PCDHGA8: variants seen among roughly 807,000 people sequenced by gnomAD.
PCDHGA8 encodes the protein protocadherin gamma-A8.
In PCDHGA8, 45 loss-of-function variants were observed where a neutral mutation model predicts 59.2. The ratio of observed to expected loss-of-function variants is 0.76; its 90% CI spans 0.60 to 0.98. The LOEUF (loss-of-function observed/expected upper bound fraction) is 0.98. Ranked by LOEUF, PCDHGA8 falls within the 50% of genes least tolerant of loss-of-function variation. PCDHGA8 has a pLI of 0.00. For missense variants in PCDHGA8, 1,257 were observed against 1,196.2 expected (o/e 1.05, Z -0.75); for synonymous variants, 531 against 519.0 (o/e 1.02, Z -0.32).
chr5:141,408,329 A>G (rs2095085203), intron 1 of PCDHGA8: 1 of 1,613,698 alleles, frequency 6.2e-7, no homozygotes, highest in Admixed American at 1.7e-5. Context: ...GGAGCTGGCC[A>G]AGGGCTCGGT....
At chr5:141,415,738 AGGTTTTT>A in intron 1 of PCDHGA8, 2 of 538,082 alleles carry the variant, frequency 3.7e-6, no homozygotes, top group Non-Finnish European at 5.4e-6. Flanking sequence ...ATGTTTATTA[AGGTTTTT>A]TTTTTTTTTT....
intron 1 of PCDHGA8, chr5:141,400,577 T>G: frequency 6.2e-7 from 1 of 1,611,914 alleles, no homozygotes; most frequent in East Asian, 2.2e-5. Flanking sequence ...TTTTCTGTAT[T>G]TACATGAAAC....
At chr5:141,422,166 T>A (rs370704205) in intron 1 of PCDHGA8, 1 of 1,569,256 alleles carries the variant, frequency 6.4e-7, no homozygotes, top group African/African-American at 1.4e-5. Context: ...TTGAAAAATA[T>A]AGATTCTATG....
intron 1 of PCDHGA8, chr5:141,427,894 C>T (rs974220302): frequency 1.3e-6 from 2 of 1,568,222 alleles, no homozygotes; most frequent in East Asian, 2.2e-5. Flanking sequence ...GACCAGGGCT[C>T]GCCCGCGCTC....
intron 1 of PCDHGA8, among the ~76,000 whole-genome samples, chr5:141,462,023 A>T (rs927945421): frequency 1.3e-5 from 2 of 152,112 alleles, no homozygotes; most frequent in African/African-American, 4.8e-5. Flanking sequence ...GGGTTTCTTC[A>T]TGTTGGTCAG....
At chr5:141,464,929 G>A (rs1358204606) in intron 1 of PCDHGA8, among the ~76,000 whole-genome samples, 1 of 151,878 alleles carries the variant, frequency 6.6e-6, no homozygotes, top group Non-Finnish European at 1.5e-5. Flanking sequence ...TTGTAGAGAT[G>A]TGAGGTCTCA....
chr5:141,445,621 G>A (rs1216813961), intron 1 of PCDHGA8, among the ~76,000 whole-genome samples: 4 of 151,996 alleles, frequency 2.6e-5, no homozygotes, highest in African/African-American at 7.2e-5. Flanking sequence ...TCTTTTTTTC[G>A]GAAAGTGATA....
At chr5:141,508,737 C>G (rs919094477) in intron 3 of PCDHGA8, among the ~76,000 whole-genome samples, 2 of 152,010 alleles carry the variant, frequency 1.3e-5, no homozygotes, top group Non-Finnish European at 2.9e-5. Flanking sequence ...CTACACCCCC[C>G]ACCCCGCTCT....
chr5:141,432,481 C>G lies in PCDHGA8; in HGVS notation c.2424+37244C>G. 6.2e-7 allele frequency: 1 copy of G among 1,614,198 alleles called. No homozygotes were observed. On this transcript the variant is annotated intron_variant, in intron 1 of 3. Coordinates refer to ENST00000398604, the MANE Select transcript of PCDHGA8 (RefSeq NM_032088.2). This position sits in a 1 kb window ranked among gnomAD's most constrained non-coding sequence, Gnocchi z 6.0. ...CCCTCCCCACGGACGGTTCCACTGG[C>G]GTGGAGCTGGCTCCCCGCTCCGCAG...
At chr5:141,506,382 G>T (rs1311307230) in intron 3 of PCDHGA8, among the ~76,000 whole-genome samples, 1 of 151,500 alleles carries the variant, frequency 6.6e-6, no homozygotes, top group East Asian at 1.9e-4. Flanking sequence ...CTGGGAGGTG[G>T]CTGTGGTGAG....
intron 1 of PCDHGA8, among the ~76,000 whole-genome samples, chr5:141,444,735 C>G (rs924159168): frequency 6.6e-6 from 1 of 152,116 alleles, no homozygotes; most frequent in Admixed American, 6.5e-5. Flanking sequence ...TGTTGAAAGT[C>G]ATTTCACTGA....
rs201412037 is a variant in PCDHGA8, at chr5:141,421,093, A to G, written c.2424+25856A>G. The G allele has an allele frequency of 3.5e-5, 23 of 665,630 alleles. No homozygotes were observed. In the East Asian group the frequency reaches 6.2e-4, roughly 18 times the overall value. 41.2% of individuals were successfully genotyped at this position (665,630 alleles called of 1,614,324 possible). On this transcript the variant is annotated intron_variant, in intron 1 of 3. Coordinates refer to ENST00000398604, the MANE Select transcript of PCDHGA8 (RefSeq NM_032088.2). ...GAGATGGATACTCACAGATCCTGAC[A>G]CTGGAGACTTAGAAGTATTTTCCTT... is the stretch of plus-strand genomic sequence containing the variant.
chr5:141,414,946 C>T, intron 1 of PCDHGA8: 1 of 1,614,102 alleles, frequency 6.2e-7, no homozygotes, highest in East Asian at 2.2e-5. Context: ...GCCCGGCTAC[C>T]TGGTGACCAA....
At chr5:141,409,047 G>T in intron 1 of PCDHGA8, 2 of 1,613,982 alleles carry the variant, frequency 1.2e-6, no homozygotes, top group Admixed American at 1.7e-5. Flanking sequence ...TACTACTTCC[G>T]AAGCACTGCC....
intron 1 of PCDHGA8, among the ~76,000 whole-genome samples, chr5:141,473,915 A>G (rs1366378437): frequency 3.3e-5 from 5 of 152,162 alleles, no homozygotes; most frequent in Non-Finnish European, 5.9e-5. Flanking sequence ...GTCTTAAGAA[A>G]ACTATGAGCT....
At chr5:141,448,021 G>A (rs1376525971) in intron 1 of PCDHGA8, among the ~76,000 whole-genome samples, 2 of 152,050 alleles carry the variant, frequency 1.3e-5, no homozygotes, top group African/African-American at 4.8e-5. Context: ...AGGAGGTGGA[G>A]GTTGCAGTGA....
At position 141,489,076 on chromosome 5, in the gene PCDHGA8, C is replaced by T. The variant is rs536134432; in HGVS notation, c.2425-5731C>T. The T allele has an allele frequency of 6.1e-6, 2 of 326,424 alleles. No individual in the cohort carries two copies. Among genetic ancestry groups the T allele is most frequent in the East Asian group, 5.8e-5 (1 of 17,220 alleles). 20.2% of individuals were successfully genotyped at this position (326,424 alleles called of 1,614,324 possible). On this transcript the variant is annotated intron_variant, in intron 1 of 3. Coordinates refer to ENST00000398604, the MANE Select transcript of PCDHGA8 (RefSeq NM_032088.2). The surrounding 1 kb of genome is among the most constrained non-coding windows in gnomAD (Gnocchi z 4.5). The stretch of plus-strand genomic sequence containing the variant: ...CAGCTCCCCTCCCCCCTGCCCACCC[C>T]CGCCACTCGGTGACTAAGAACTGCT...
At chr5:141,425,987 G>A (rs1304785231) in intron 1 of PCDHGA8, among the ~76,000 whole-genome samples, 1 of 152,188 alleles carries the variant, frequency 6.6e-6, no homozygotes, top group Non-Finnish European at 1.5e-5. Flanking sequence ...GAATCCCATT[G>A]AATTAGCAAA....
rs1264130543 is a variant in PCDHGA8 at position 141,485,467 on chromosome 5, C to T, written c.2425-9340C>T. 2 of 1,614,112 alleles carry T rather than the reference C, an allele frequency of 1.2e-6. No homozygotes were observed. The highest frequency in any genetic ancestry group is 1.7e-6 in the Non-Finnish European group (2 of 1,180,024). On this transcript the variant is annotated intron_variant, in intron 1 of 3. Transcript: ENST00000398604. The surrounding 1 kb of genome is among the most constrained non-coding windows in gnomAD (Gnocchi z 5.7). ...TCGACCGAGAGGCACTGTGTGGGCT[C>T]AGTGCCAGCTGCATCGTGCCCCTGG... is the stretch of plus-strand genomic sequence containing the variant.
Sources: gnomAD v4.1 joint callset for allele counts (sites outside exome capture counted in the v4.1 genomes callset) on GRCh38, gnomAD v4.1.1 for gene constraint, Gnocchi (gnomAD v3.1) non-coding constraint, MANE v1.5 for transcripts, NCBI Gene and HGNC (gene_info 2026-07-23, HGNC 2026-07-21) for gene names.